The following IMMP2L variants were observed in gnomAD, a reference collection of about 807,000 sequenced individuals.
The protein encoded by IMMP2L is inner mitochondrial membrane peptidase subunit 2, also known as mitochondrial inner membrane protease subunit 2.
IMMP2L carries 18 observed loss-of-function variants against 19.3 expected under a neutral mutation model. The ratio of observed to expected loss-of-function variants is 0.93; its 90% CI spans 0.64 to 1.38. The LOEUF (loss-of-function observed/expected upper bound fraction) is 1.38. Ranked by LOEUF, IMMP2L falls within the 40% of genes most tolerant of loss-of-function variation. The probability of loss-of-function intolerance (pLI) is 0.00; values close to 1 mark genes in which losing one functional copy is unlikely to be tolerated. For missense variants in IMMP2L, 233 were observed against 218.2 expected, an observed-to-expected ratio of 1.07 and a Z score of -0.43; for synonymous variants, 76 against 73.0, an observed-to-expected ratio of 1.04 and a Z score of -0.21.
At chr7:111,119,214 T>G (rs1243363666) in intron 3 of IMMP2L, among the ~76,000 whole-genome samples, 1 of 152,202 alleles carries the variant, frequency 6.6e-6, no homozygotes, top group East Asian at 1.9e-4. Flanking sequence ...AGAAATGCAA[T>G]TGGACTTTGT....
chr7:110,669,699 C>T (rs574179168), intron 5 of IMMP2L, among the ~76,000 whole-genome samples: 2 of 152,308 alleles, frequency 1.3e-5, no homozygotes, highest in African/African-American at 2.4e-5. Context: ...GCCTCTATTT[C>T]GTAGCCGAGG....
At chr7:111,218,877 C>A (rs1001832252) in intron 3 of IMMP2L, among the ~76,000 whole-genome samples, 1 of 151,978 alleles carries the variant, frequency 6.6e-6, no homozygotes, top group African/African-American at 2.4e-5. Context: ...TCTTGAAAAT[C>A]AAGGGCCTGC....
intron 3 of IMMP2L, among the ~76,000 whole-genome samples, chr7:111,070,562 G>A (rs1453343231): frequency 6.6e-6 from 1 of 152,140 alleles, no homozygotes; most frequent in African/African-American, 2.4e-5. Flanking sequence ...AGAGTAAGTT[G>A]TTTTTGCAAA....
intron 3 of IMMP2L, among the ~76,000 whole-genome samples, chr7:111,197,299 T>C (rs899330551): frequency 6.6e-6 from 1 of 151,946 alleles, no homozygotes; most frequent in Non-Finnish European, 1.5e-5. Context: ...CCGTCTCTAC[T>C]AAAAATACAA....
At chr7:110,706,886 T>A (rs1584565576) in intron 5 of IMMP2L, among the ~76,000 whole-genome samples, 1 of 152,162 alleles carries the variant, frequency 6.6e-6, no homozygotes, top group Non-Finnish European at 1.5e-5. Context: ...TTTGCTGTAA[T>A]TTTTTTGAGG....
intron 3 of IMMP2L, among the ~76,000 whole-genome samples, chr7:111,149,859 T>C (rs1803881885): frequency 6.6e-6 from 1 of 152,164 alleles, no homozygotes; most frequent in Non-Finnish European, 1.5e-5. Context: ...TGTTCAAGAT[T>C]ACCTTTCTTT....
At chr7:111,310,726 C>T (rs75820895) in intron 3 of IMMP2L, among the ~76,000 whole-genome samples, 10,298 of 152,048 alleles carry the variant, frequency 0.068, 402 homozygotes, top group Middle Eastern at 0.099. Context: ...CATTCTTGGT[C>T]AGATGAATGT....
intron 3 of IMMP2L, among the ~76,000 whole-genome samples, chr7:111,371,609 G>A (rs930980292): frequency 1.3e-5 from 2 of 152,004 alleles, no homozygotes; most frequent in South Asian, 2.1e-4. Context: ...ACCATGTAAC[G>A]ATACAGTATC....
At chr7:111,035,316 G>A (rs549815038) in intron 3 of IMMP2L, among the ~76,000 whole-genome samples, 1 of 152,254 alleles carries the variant, frequency 6.6e-6, no homozygotes, top group South Asian at 2.1e-4. Flanking sequence ...AAAAACTGAT[G>A]TTTGGGTAAC....
At chr7:110,690,871 A>G (rs947684670) in intron 5 of IMMP2L, among the ~76,000 whole-genome samples, 1 of 152,190 alleles carries the variant, frequency 6.6e-6, no homozygotes, top group African/African-American at 2.4e-5. Context: ...GGAAGAATCA[A>G]TATGGTGAAA....
intron 5 of IMMP2L, among the ~76,000 whole-genome samples, chr7:110,812,680 C>T (rs1475840931): frequency 6.6e-6 from 1 of 151,890 alleles, no homozygotes; most frequent in Non-Finnish European, 1.5e-5. Context: ...AAGATGGAGG[C>T]TGGGGTAAAT....
intron 3 of IMMP2L, among the ~76,000 whole-genome samples, chr7:111,431,748 T>TA (rs1836654832): frequency 6.6e-6 from 1 of 151,832 alleles, no homozygotes. Flanking sequence ...CTAAACTTTA[T>TA]AAAAAAGTCA....
At chr7:111,392,300 G>T (rs1832436983) in intron 3 of IMMP2L, among the ~76,000 whole-genome samples, 1 of 152,070 alleles carries the variant, frequency 6.6e-6, no homozygotes, top group South Asian at 2.1e-4. Context: ...CCACCCACTG[G>T]AAATGTACAG....
intron 5 of IMMP2L, among the ~76,000 whole-genome samples, chr7:110,804,530 A>G (rs541926655): frequency 6.6e-6 from 1 of 152,128 alleles, no homozygotes; most frequent in East Asian, 1.9e-4. Flanking sequence ...GTGGCACACT[A>G]CTAGCTGTCC....
At chr7:111,378,780 T>A (rs1452886860) in intron 3 of IMMP2L, among the ~76,000 whole-genome samples, 1 of 151,920 alleles carries the variant, frequency 6.6e-6, no homozygotes, top group East Asian at 1.9e-4. Flanking sequence ...GATCTTCTTG[T>A]TACATGATAA....
intron 1 of IMMP2L, among the ~76,000 whole-genome samples, chr7:111,542,978 T>C (rs1848619771): frequency 6.6e-6 from 1 of 152,150 alleles, no homozygotes; most frequent in Non-Finnish European, 1.5e-5. Context: ...ATTTATCTTC[T>C]ACATTTATTA....
intron 3 of IMMP2L, among the ~76,000 whole-genome samples, chr7:111,029,767 C>T (rs1827213977): frequency 1.3e-5 from 2 of 152,154 alleles, no homozygotes; most frequent in African/African-American, 2.4e-5. Flanking sequence ...GCTATAATTT[C>T]AGCCACTTCA....
chr7:111,119,371 A>C (rs2129586993), intron 3 of IMMP2L, among the ~76,000 whole-genome samples: 1 of 152,324 alleles, frequency 6.6e-6, no homozygotes, highest in Non-Finnish European at 1.5e-5. Flanking sequence ...CTGAAATTTT[A>C]CTAAAGAAAT....
intron 3 of IMMP2L, among the ~76,000 whole-genome samples, chr7:111,047,064 C>G (rs974491457): frequency 6.6e-6 from 1 of 152,194 alleles, no homozygotes; most frequent in African/African-American, 2.4e-5. Flanking sequence ...GAATCATTTG[C>G]TTACACTTTT....
Sources: gnomAD v4.1 joint callset for allele counts (sites outside exome capture counted in the v4.1 genomes callset) on GRCh38, gnomAD v4.1.1 for gene constraint, MANE v1.5 for transcripts, NCBI Gene and HGNC (gene_info 2026-07-23, HGNC 2026-07-21) for gene names.